Variants in EEFSEC observed in about 807,000 individuals in gnomAD.
EEFSEC encodes eukaryotic elongation factor, selenocysteine-tRNA specific, also known as selenocysteine-specific elongation factor.
In EEFSEC, 43 loss-of-function variants were observed where a neutral mutation model predicts 42.1. That is an observed-to-expected ratio of 1.02 (90% CI 0.80 to 1.32). The LOEUF (loss-of-function observed/expected upper bound fraction) is 1.32, where lower values mean the gene tolerates loss of function less well. Among genes scored for constraint, EEFSEC ranks in the 40% most tolerant of loss-of-function variants. The probability of loss-of-function intolerance (pLI) is 0.00; values close to 1 mark genes in which losing one functional copy is unlikely to be tolerated. For synonymous variants in EEFSEC, 354 were observed against 339.1 expected, an observed-to-expected ratio of 1.04 and a Z score of -0.48; for missense variants, 745 against 803.6, an observed-to-expected ratio of 0.93 and a Z score of 0.88.
chr3:128,246,566 A>G (rs1276132370), intron 1 of EEFSEC, among the ~76,000 whole-genome samples: 1 of 152,170 alleles, frequency 6.6e-6, no homozygotes, highest in Non-Finnish European at 1.5e-5. Context: ...AGATGAGCCT[A>G]TACCTAAACC....
Position 128,153,815 on chromosome 3 carries a change from T to A in EEFSEC, c.308T>A (p.Ile103Asn), listed in dbSNP as rs577125673. The A allele has an allele frequency of 4.0e-6, 6 of 1,506,884 alleles. No individual in the cohort carries two copies. In the African/African-American group the frequency reaches 8.8e-5, roughly 22 times the overall value. The allele number at this position is 1,506,884 out of a possible 1,614,324, so 93.3% of individuals were successfully genotyped here. The part of the protein sequence containing the change: ...CPGHASLIRT[I>N]IGGAQIIDLM... ...GGGCACGCCTCCCTCATCCGGACCATCATCGGCGGTGAGCGCGGGCCGGGG... is the reference window on the plus strand; with the variant it reads ...GGGCACGCCTCCCTCATCCGGACCAACATCGGCGGTGAGCGCGGGCCGGGG... Residue 103 changes from isoleucine to asparagine, a missense_variant, in exon 1 of 7, where the codon ATC becomes AAC. Transcript: ENST00000254730.
intron 1 of EEFSEC, among the ~76,000 whole-genome samples, chr3:128,210,041 T>G (rs2065740069): frequency 6.6e-6 from 1 of 152,260 alleles, no homozygotes; most frequent in Admixed American, 6.5e-5. Flanking sequence ...TTGTGTACTT[T>G]TATGGATGGT....
At chr3:128,184,270 C>T (rs2065442075) in intron 1 of EEFSEC, among the ~76,000 whole-genome samples, 1 of 152,198 alleles carries the variant, frequency 6.6e-6, no homozygotes, top group South Asian at 2.1e-4. Flanking sequence ...GTGCAACCAT[C>T]ACTGCTATCC....
At chr3:128,230,073 T>C (rs770142067) in intron 1 of EEFSEC, among the ~76,000 whole-genome samples, 7 of 152,038 alleles carry the variant, frequency 4.6e-5, no homozygotes, top group Non-Finnish European at 8.8e-5. Context: ...CTTTTCTTTC[T>C]CGCCCGCTTT....
At chr3:128,262,858 G>A (rs997111994) in intron 3 of EEFSEC, among the ~76,000 whole-genome samples, 2 of 152,168 alleles carry the variant, frequency 1.3e-5, no homozygotes, top group Admixed American at 1.3e-4. Context: ...CAGTGAGAAT[G>A]GAGCCACAGA....
At chr3:128,422,304 A>G in the EEFSEC span, among the ~76,000 whole-genome samples, 5 of 152,220 alleles carry the variant, frequency 3.3e-5, no homozygotes, top group African/African-American at 1.2e-4. Flanking sequence ...GCATACGTTC[A>G]GGAGTGAATG....
At chr3:128,230,776 T>C (rs2107865420) in intron 1 of EEFSEC, among the ~76,000 whole-genome samples, 1 of 152,298 alleles carries the variant, frequency 6.6e-6, no homozygotes, top group East Asian at 1.9e-4. Context: ...GAATCCAGAA[T>C]GTTCCCTCAA....
At chr3:128,165,229 C>T (rs901756563) in intron 1 of EEFSEC, among the ~76,000 whole-genome samples, 7 of 152,190 alleles carry the variant, frequency 4.6e-5, no homozygotes, top group Admixed American at 1.3e-4. Flanking sequence ...TGCTGCAGGG[C>T]GCACAAGTAG....
intron 4 of EEFSEC, among the ~76,000 whole-genome samples, chr3:128,276,099 T>C (rs976088962): frequency 5.3e-5 from 8 of 152,146 alleles, no homozygotes; most frequent in South Asian, 2.1e-4. Flanking sequence ...TTCTTGGCCC[T>C]CCTCACCCTC....
chr3:128,288,125 C>T (rs2066606234), intron 4 of EEFSEC, among the ~76,000 whole-genome samples: 1 of 152,120 alleles, frequency 6.6e-6, no homozygotes, highest in African/African-American at 2.4e-5. Flanking sequence ...TAGTCTCTTG[C>T]TTGACTTCTG....
chr3:128,352,070 T>C (rs1414236372), intron 5 of EEFSEC, among the ~76,000 whole-genome samples: 1 of 152,242 alleles, frequency 6.6e-6, no homozygotes, highest in Non-Finnish European at 1.5e-5. Flanking sequence ...CTCTTTCCTT[T>C]AGCTGGAAGA....
chr3:128,185,337 T>C (rs1400493638), intron 1 of EEFSEC, among the ~76,000 whole-genome samples: 1 of 152,190 alleles, frequency 6.6e-6, no homozygotes, highest in South Asian at 2.1e-4. Context: ...GCACTTCATA[T>C]ATACCTTCTT....
chr3:128,404,374 C>T (rs186776510), intron 6 of EEFSEC, among the ~76,000 whole-genome samples: 6 of 152,328 alleles, frequency 3.9e-5, no homozygotes, highest in Admixed American at 2.0e-4. Context: ...CTGCCTGCTC[C>T]GGGCAGTGCG....
intron 6 of EEFSEC, among the ~76,000 whole-genome samples, chr3:128,359,380 G>C (rs2067497907): frequency 6.6e-6 from 1 of 152,170 alleles, no homozygotes; most frequent in Admixed American, 6.5e-5. Context: ...AATGGGTCAT[G>C]AGCCACTATC....
At chr3:128,184,610 C>G (rs2065446003) in intron 1 of EEFSEC, among the ~76,000 whole-genome samples, 1 of 152,134 alleles carries the variant, frequency 6.6e-6, no homozygotes, top group Non-Finnish European at 1.5e-5. Flanking sequence ...ATAGCCATCT[C>G]TGTAGTTCTG....
intron 4 of EEFSEC, among the ~76,000 whole-genome samples, chr3:128,277,088 G>A (rs911210310): frequency 6.6e-6 from 1 of 152,214 alleles, no homozygotes; most frequent in Non-Finnish European, 1.5e-5. Flanking sequence ...CCTCAGGGAG[G>A]GCAGACCACA....
intron 1 of EEFSEC, among the ~76,000 whole-genome samples, chr3:128,223,657 T>G (rs1177185792): frequency 6.6e-6 from 1 of 152,226 alleles, no homozygotes; most frequent in African/African-American, 2.4e-5. Context: ...AGTATCCTTA[T>G]GTATGAAATG....
intron 4 of EEFSEC, among the ~76,000 whole-genome samples, chr3:128,307,947 G>C (rs909860563): frequency 7.9e-5 from 12 of 152,226 alleles, no homozygotes; most frequent in African/African-American, 2.7e-4. Flanking sequence ...GCACATGCTT[G>C]TTGGAGCTCT....
intron 1 of EEFSEC, among the ~76,000 whole-genome samples, chr3:128,165,523 A>G (rs1273859283): frequency 6.6e-6 from 1 of 152,128 alleles, no homozygotes; most frequent in African/African-American, 2.4e-5. Flanking sequence ...AATGTGGGTG[A>G]TCCTCTCTTG....
Sources: gnomAD v4.1 joint callset for allele counts (sites outside exome capture counted in the v4.1 genomes callset) on GRCh38, gnomAD v4.1.1 for gene constraint, MANE v1.5 for transcripts, NCBI Gene and HGNC (gene_info 2026-07-23, HGNC 2026-07-21) for gene names.